The following DOCK2 variants were observed in gnomAD, a reference collection of about 807,000 sequenced individuals.
The protein encoded by DOCK2 is dedicator of cytokinesis protein 2.
A neutral mutation model predicts 248.9 loss-of-function variants in DOCK2; 87 were observed. The ratio of observed to expected loss-of-function variants is 0.35; its 90% CI spans 0.29 to 0.42. The LOEUF (loss-of-function observed/expected upper bound fraction) is 0.42. DOCK2 is among the 10% of genes least tolerant of loss of function. The pLI is 1.00. For synonymous variants in DOCK2, 805 were observed against 821.6 expected, an observed-to-expected ratio of 0.98 and a Z score of 0.35; for missense variants, 1,747 against 2,300.2, an observed-to-expected ratio of 0.76 and a Z score of 4.92.
intron 27 of DOCK2, among the ~76,000 whole-genome samples, chr5:169,982,245 T>C (rs1449562668): frequency 1.3e-5 from 2 of 152,120 alleles, no homozygotes; most frequent in African/African-American, 4.8e-5. Flanking sequence ...GCTAGTGCTT[T>C]GTTTACCAGG....
At chr5:169,895,857 AATAG>A (rs1297989453) in intron 27 of DOCK2, among the ~76,000 whole-genome samples, 1 of 152,194 alleles carries the variant, frequency 6.6e-6, no homozygotes, top group Non-Finnish European at 1.5e-5. Context: ...CCTGGCACAT[AATAG>A]ATATAGTAAG....
At position 170,013,982 on chromosome 5, in the gene DOCK2, C is replaced by T. The variant is rs575636541; in HGVS notation, c.3233-4978C>T. 1.1e-4 allele frequency among the ~76,000 whole-genome samples: 17 copies of T among 152,052 alleles called. No homozygotes were observed. In the South Asian group the frequency reaches 2.1e-3, roughly 19 times the overall value. ...AGCTGTAGAATGGAAACTTGGGGCA[C>T]CCAGAGAATTGGTGACAGACTCCTA... On this transcript the variant is annotated intron_variant, in intron 32 of 51. Coordinates refer to ENST00000520908, the MANE Select transcript of DOCK2 (RefSeq NM_004946.3).
At chr5:169,646,215 T>G (rs769189222) in intron 1 of DOCK2, among the ~76,000 whole-genome samples, 46 of 152,214 alleles carry the variant, frequency 3.0e-4, no homozygotes, top group Non-Finnish European at 5.6e-4. Context: ...TTCCATTGCT[T>G]CTTTTTGTCA....
At chr5:169,761,694 T>G in intron 25 of DOCK2, 69 bp downstream of exon 25, 1 of 1,411,350 alleles carries the variant, frequency 7.1e-7, no homozygotes, top group South Asian at 1.2e-5. Flanking sequence ...TTGGGGAAGC[T>G]TGGCAGGAGA....
At chr5:169,714,494 A>C in intron 19 of DOCK2, 37 bp downstream of exon 19, 1 of 1,609,706 alleles carries the variant, frequency 6.2e-7, no homozygotes, top group Non-Finnish European at 8.5e-7. Flanking sequence ...TTCTTACACT[A>C]GTGACAGAAC....
intron 26 of DOCK2, among the ~76,000 whole-genome samples, chr5:169,813,938 T>C (rs1017240713): frequency 6.6e-6 from 1 of 152,206 alleles, no homozygotes; most frequent in African/African-American, 2.4e-5. Context: ...GATTGTCGTC[T>C]TTCACCTGGT....
chr5:169,709,224 C>T (rs1761443757), intron 15 of DOCK2, among the ~76,000 whole-genome samples: 1 of 152,190 alleles, frequency 6.6e-6, no homozygotes, highest in African/African-American at 2.4e-5. Flanking sequence ...TTTTTAACCA[C>T]CCCTCTACAG....
In DOCK2 at chr5:170,008,577, A is replaced by G. The variant is rs1438048211; in HGVS notation, c.3153A>G (p.Lys1051=). Residue 1051 remains lysine, a synonymous_variant, in exon 31 of 52, where the codon AAA becomes AAG. Coordinates refer to ENST00000520908, the MANE Select transcript of DOCK2 (RefSeq NM_004946.3). ...SLQLEQFSHA[K]YNKILNKYGD... is the part of the protein sequence containing the mutation. ...AGCTGGAGCAGTTCTCACACGCCAA[A>G]TACAACAAAATCCTGAATAAGTAGG... The G allele has an allele frequency of 2.5e-6, 4 of 1,614,116 alleles. No homozygotes were observed. Among genetic ancestry groups the G allele is most frequent in the Non-Finnish European group, 2.5e-6 (3 of 1,179,988 alleles).
At chr5:169,994,966 T>C (rs547586115) in intron 29 of DOCK2, among the ~76,000 whole-genome samples, 1 of 151,734 alleles carries the variant, frequency 6.6e-6, no homozygotes. Context: ...TAAGGAGAAA[T>C]GCAAATTGAC....
intron 25 of DOCK2, among the ~76,000 whole-genome samples, chr5:169,770,578 G>A (rs1765029229): frequency 6.6e-6 from 1 of 152,156 alleles, no homozygotes; most frequent in Admixed American, 6.5e-5. Context: ...GAGATTACAA[G>A]CATGAGCCAT....
intron 39 of DOCK2, among the ~76,000 whole-genome samples, chr5:170,047,094 CA>C (rs947478042): frequency 5.9e-5 from 9 of 152,138 alleles, no homozygotes; most frequent in Admixed American, 2.6e-4. Flanking sequence ...ACATCTGTAT[CA>C]GGGGGCATTT....
chr5:170,072,257 T>A (rs375186091), intron 46 of DOCK2, among the ~76,000 whole-genome samples: 18 of 152,186 alleles, frequency 1.2e-4, no homozygotes, highest in African/African-American at 3.9e-4. Flanking sequence ...TCTTATAAAT[T>A]GTATTATACA....
intron 25 of DOCK2, among the ~76,000 whole-genome samples, chr5:169,782,279 G>A (rs1331961962): frequency 6.6e-6 from 1 of 152,124 alleles, no homozygotes; most frequent in Non-Finnish European, 1.5e-5. Context: ...TCAGGAGATA[G>A]CCACATACAT....
rs538790450 is a variant in DOCK2 at position 169,663,337 on chromosome 5, A to G, written c.128-5951A>G. On this transcript the variant is annotated intron_variant, in intron 2 of 51. Coordinates refer to ENST00000520908, the MANE Select transcript of DOCK2 (RefSeq NM_004946.3). ...TTGAGTACCTGCAGGTTTTCTAGGC[A>G]CACAGTGCAAGCTGTTGGTGGATCT... Among the ~76,000 whole-genome samples, 134 of 152,326 alleles carry G rather than the reference A, an allele frequency of 8.8e-4. 1 individual carries two copies. Among genetic ancestry groups the G allele is most frequent in the African/African-American group, 2.8e-3 (118 of 41,570 alleles).
chr5:169,949,042 G>A lies in DOCK2; in HGVS notation c.2800-34026G>A, dbSNP rs369226908. On this transcript the variant is annotated intron_variant, in intron 27 of 51. Transcript: ENST00000520908. ...GTCCTCCCAACCTTAGAATCACCAC[G>A]TTCCCTGATATGAAGGATGATTATT... Among the ~76,000 whole-genome samples, 31 of 152,240 alleles carry A rather than the reference G, an allele frequency of 2.0e-4. No individual in the cohort carries two copies. In the East Asian group the frequency reaches 2.7e-3, roughly 13 times the overall value.
Position 170,069,137 on chromosome 5 carries a change from G to T in DOCK2, c.4645G>T (p.Ala1549Ser), listed in dbSNP as rs1757594156. The change falls in exon 46 of 52, where the codon GCC becomes TCC. Residue 1549 changes from alanine to serine, a missense_variant and splice_region_variant. This residue lies in a region of DOCK2 where 513 missense variants were observed against 586.1 expected (regional missense o/e 0.88). Transcript: ENST00000520908. Reference sequence around the variant, plus strand: ...CTGACCTCCTATCTGTCCTCCCCAGGCCTTCTTCACTGAAGAGTATGTCAG... The same window carrying T: ...CTGACCTCCTATCTGTCCTCCCCAGTCCTTCTTCACTGAAGAGTATGTCAG... ...VMGGFAKYEK[A>S]FFTEEYVRDH... 6.2e-7 allele frequency: 1 copy of T among 1,613,458 alleles called. No homozygotes were observed. Among genetic ancestry groups the T allele is most frequent in the Non-Finnish European group, 8.5e-7 (1 of 1,179,768 alleles).
At chr5:169,845,413 C>T (rs75392194) in intron 27 of DOCK2, among the ~76,000 whole-genome samples, 1 of 152,066 alleles carries the variant, frequency 6.6e-6, no homozygotes, top group Non-Finnish European at 1.5e-5. Flanking sequence ...GTGGACCCCC[C>T]GAGGTCAGGC....
At chr5:170,053,041 G>T (rs1756972740) in intron 41 of DOCK2, among the ~76,000 whole-genome samples, 1 of 152,226 alleles carries the variant, frequency 6.6e-6, no homozygotes. Context: ...AGTAGGAAAT[G>T]ATAATTGAAA....
rs1051976694 is a variant in DOCK2, at chr5:169,923,438, C to G, written c.2800-59630C>G. ...ATAGATGTTGATGCTGACTTATTAGCAACCTATTTGTTAGCAGCACATGCG... is the reference window on the plus strand; with the variant it reads ...ATAGATGTTGATGCTGACTTATTAGGAACCTATTTGTTAGCAGCACATGCG... On this transcript the variant is annotated intron_variant, in intron 27 of 51. Transcript: ENST00000520908. 5.9e-5 allele frequency among the ~76,000 whole-genome samples: 9 copies of G among 152,196 alleles called. No homozygotes were observed. The East Asian group carries it at 1.7e-3, about 29-fold the overall frequency.
Sources: allele counts gnomAD v4.1 joint callset (sites outside exome capture counted in the v4.1 genomes callset), GRCh38; gene constraint gnomAD v4.1.1; regional missense constraint gnomAD v4.1.1; transcripts MANE v1.5; gene names NCBI Gene and HGNC (gene_info 2026-07-23, HGNC 2026-07-21).